Variants in SPAG16 observed in about 807,000 individuals in gnomAD.
The protein encoded by SPAG16 is sperm-associated antigen 16 protein.
Under a neutral mutation model 80.4 loss-of-function variants are expected in SPAG16, and 86 were observed. The ratio of observed to expected loss-of-function variants is 1.07; its 90% CI spans 0.90 to 1.28. The LOEUF (loss-of-function observed/expected upper bound fraction) is 1.28, where lower values mean the gene tolerates loss of function less well. Among genes scored for constraint, SPAG16 ranks in the 50% most tolerant of loss-of-function variants. The pLI is 0.00. For missense variants in SPAG16, 870 were observed against 765.3 expected, an observed-to-expected ratio of 1.14 and a Z score of -1.61; for synonymous variants, 294 against 265.9, an observed-to-expected ratio of 1.11 and a Z score of -1.03.
chr2:213,736,866 A>G (rs2125442368), intron 10 of SPAG16, among the ~76,000 whole-genome samples: 1 of 151,614 alleles, frequency 6.6e-6, no homozygotes, highest in African/African-American at 2.4e-5. Flanking sequence ...CACCATGCCC[A>G]GCTAATTTTT....
At chr2:213,436,785 C>T (rs78692372) in intron 9 of SPAG16, among the ~76,000 whole-genome samples, 52 of 152,144 alleles carry the variant, frequency 3.4e-4, no homozygotes, top group African/African-American at 1.1e-3. Context: ...AATTTCTTCT[C>T]TTTTATGGGA....
chr2:214,248,897 G>T (rs2125843761), intron 15 of SPAG16, among the ~76,000 whole-genome samples: 1 of 152,230 alleles, frequency 6.6e-6, no homozygotes, highest in Admixed American at 6.5e-5. Context: ...TATAAGTTTT[G>T]CAAATATCTG....
At chr2:213,965,907 C>T (rs2044688963) in intron 12 of SPAG16, among the ~76,000 whole-genome samples, 1 of 152,098 alleles carries the variant, frequency 6.6e-6, no homozygotes, top group South Asian at 2.1e-4. Context: ...GGATGACAGC[C>T]TCTGGTTCTG....
chr2:213,958,136 T>C (rs2044240015), intron 12 of SPAG16, among the ~76,000 whole-genome samples: 1 of 152,178 alleles, frequency 6.6e-6, no homozygotes, highest in Admixed American at 6.5e-5. Flanking sequence ...GCAAAATACC[T>C]GTGAGCCAAA....
At chr2:213,415,575 A>G (rs540860088) in intron 9 of SPAG16, among the ~76,000 whole-genome samples, 3 of 152,312 alleles carry the variant, frequency 2.0e-5, no homozygotes, top group Admixed American at 1.3e-4. Flanking sequence ...TTTGGTACTT[A>G]TGGGGCAAAT....
At chr2:214,237,789 T>TA (rs1689178314) in intron 15 of SPAG16, among the ~76,000 whole-genome samples, 1 of 151,952 alleles carries the variant, frequency 6.6e-6, no homozygotes, top group Non-Finnish European at 1.5e-5. Context: ...AAATATATAG[T>TA]ATATTATAGT....
intron 13 of SPAG16, among the ~76,000 whole-genome samples, chr2:214,067,533 A>C (rs533217597): frequency 1.6e-4 from 25 of 152,248 alleles, no homozygotes; most frequent in African/African-American, 4.6e-4. Flanking sequence ...AGGGTAATTC[A>C]GGAGAGGTAT....
intron 13 of SPAG16, among the ~76,000 whole-genome samples, chr2:214,057,279 A>T (rs1349996656): frequency 6.6e-6 from 1 of 151,940 alleles, no homozygotes; most frequent in Non-Finnish European, 1.5e-5. Context: ...AAGACTTAAA[A>T]GTCAAAATTG....
At chr2:213,972,076 T>G (rs963834299) in intron 12 of SPAG16, among the ~76,000 whole-genome samples, 1 of 151,838 alleles carries the variant, frequency 6.6e-6, no homozygotes, top group African/African-American at 2.4e-5. Context: ...CAGGATTTAT[T>G]CTCTGTGTTA....
intron 10 of SPAG16, among the ~76,000 whole-genome samples, chr2:213,522,140 A>T (rs966908807): frequency 1.3e-5 from 2 of 152,252 alleles, no homozygotes; most frequent in African/African-American, 4.8e-5. Flanking sequence ...CAGGAATGGC[A>T]TATTTGACAG....
intron 10 of SPAG16, among the ~76,000 whole-genome samples, chr2:213,726,698 AAAGT>A (rs1025224140): frequency 6.6e-6 from 1 of 152,224 alleles, no homozygotes; most frequent in Non-Finnish European, 1.5e-5. Context: ...AGCTGTGTCA[AAAGT>A]AAGTGTCTAC....
At chr2:213,804,672 G>C (rs984674567) in intron 10 of SPAG16, among the ~76,000 whole-genome samples, 1 of 150,212 alleles carries the variant, frequency 6.7e-6, no homozygotes, top group African/African-American at 2.5e-5. Flanking sequence ...GACAGAGCGA[G>C]ACTCCGTCTC....
intron 15 of SPAG16, among the ~76,000 whole-genome samples, chr2:214,310,108 G>A (rs570476229): frequency 3.3e-5 from 5 of 151,604 alleles, no homozygotes; most frequent in Admixed American, 1.3e-4. Context: ...TTTTTACACT[G>A]CTGGAGTTAC....
chr2:213,704,042 C>T (rs939407836), intron 10 of SPAG16, among the ~76,000 whole-genome samples: 3 of 152,128 alleles, frequency 2.0e-5, no homozygotes, highest in Non-Finnish European at 4.4e-5. Flanking sequence ...ATGAGAGTGC[C>T]CCATCCCCTT....
At chr2:213,642,229 G>C (rs1327221848) in intron 10 of SPAG16, among the ~76,000 whole-genome samples, 1 of 152,310 alleles carries the variant, frequency 6.6e-6, no homozygotes. Flanking sequence ...CAAAGGGTTT[G>C]TGAATTATTT....
At chr2:213,593,043 T>C (rs948862635) in intron 10 of SPAG16, among the ~76,000 whole-genome samples, 4 of 152,044 alleles carry the variant, frequency 2.6e-5, no homozygotes, top group African/African-American at 7.2e-5. Flanking sequence ...TGCTTTTATC[T>C]GATTAGGGAA....
intron 9 of SPAG16, among the ~76,000 whole-genome samples, chr2:213,413,531 G>T (rs2069100297): frequency 6.6e-6 from 1 of 151,982 alleles, no homozygotes; most frequent in South Asian, 2.1e-4. Context: ...TGAAATTTAA[G>T]AACTTTCTTA....
At chr2:214,206,186 A>T (rs2058140434) in intron 15 of SPAG16, among the ~76,000 whole-genome samples, 1 of 152,006 alleles carries the variant, frequency 6.6e-6, no homozygotes, top group African/African-American at 2.4e-5. Flanking sequence ...CTCAAAAAAT[A>T]TATATATATT....
intron 15 of SPAG16, among the ~76,000 whole-genome samples, chr2:214,315,849 C>T (rs538808690): frequency 1.2e-4 from 18 of 152,180 alleles, no homozygotes; most frequent in African/African-American, 4.3e-4. Context: ...TTCTTTTTAC[C>T]AAATTATGCG....
Sources: gnomAD v4.1 joint callset for allele counts (sites outside exome capture counted in the v4.1 genomes callset) on GRCh38, gnomAD v4.1.1 for gene constraint, MANE v1.5 for transcripts, NCBI Gene and HGNC (gene_info 2026-07-23, HGNC 2026-07-21) for gene names.